The following BZW2 variants were observed in gnomAD, a reference collection of about 807,000 sequenced individuals.
The protein encoded by BZW2 is basic leucine zipper and W2 domains 2.
BZW2 carries 23 observed loss-of-function variants against 53.2 expected under a neutral mutation model. The observed-to-expected ratio is 0.43, with a 90% confidence interval of 0.31 to 0.61. The LOEUF (loss-of-function observed/expected upper bound fraction) is 0.61, where lower values mean the gene tolerates loss of function less well. Among genes scored for constraint, BZW2 ranks in the 20% least tolerant of loss-of-function variants. The pLI, the probability that BZW2 is intolerant of heterozygous loss-of-function variation, is 0.09. For synonymous variants in BZW2, 227 were observed against 186.4 expected (o/e 1.22, Z -1.77); for missense variants, 409 against 503.1 (o/e 0.81, Z 1.79).
chr7:16,689,351 A>C (rs1783230334), intron 6 of BZW2, among the ~76,000 whole-genome samples: 7 of 152,212 alleles, frequency 4.6e-5, no homozygotes, highest in Admixed American at 4.6e-4. Context: ...GTGTTCTTGT[A>C]CTGGCATCCT....
intron 3 of BZW2, among the ~76,000 whole-genome samples, chr7:16,677,617 G>T (rs1445188190): frequency 6.6e-6 from 1 of 152,146 alleles, no homozygotes; most frequent in African/African-American, 2.4e-5. Context: ...TCCATTTGAA[G>T]AACATTTTTA....
At chr7:16,652,764 A>G (rs1208438905) in intron 1 of BZW2, among the ~76,000 whole-genome samples, 1 of 152,166 alleles carries the variant, frequency 6.6e-6, no homozygotes, top group Non-Finnish European at 1.5e-5. Flanking sequence ...ACCTCAGGTG[A>G]TTCGCCCGCC....
chr7:16,652,929 T>C (rs1396146660), intron 1 of BZW2, among the ~76,000 whole-genome samples: 2 of 152,238 alleles, frequency 1.3e-5, no homozygotes. Context: ...TAAAGTTGTG[T>C]TGGGGAATCC....
chr7:16,688,918 CA>C (rs1390669802), intron 6 of BZW2, among the ~76,000 whole-genome samples: 1 of 152,058 alleles, frequency 6.6e-6, no homozygotes, highest in Non-Finnish European at 1.5e-5. Flanking sequence ...TAGCTTAACT[CA>C]AGAATATTTT....
chr7:16,667,071 T>A (rs185627209), intron 2 of BZW2, among the ~76,000 whole-genome samples: 137 of 151,408 alleles, frequency 9.0e-4, no homozygotes, highest in African/African-American at 3.0e-3. Context: ...TCACCTAAGG[T>A]TGGTAGTTTG....
chr7:16,665,628 A>G (rs1026850561), intron 2 of BZW2, 127 bp downstream of exon 2: 1 of 1,455,320 alleles, frequency 6.9e-7, no homozygotes, highest in African/African-American at 1.4e-5. Context: ...CTGAGTGTAG[A>G]ATCTGAAGTG....
chr7:16,664,372 G>C (rs1354982020), intron 1 of BZW2, among the ~76,000 whole-genome samples: 7 of 152,216 alleles, frequency 4.6e-5, no homozygotes, highest in Admixed American at 4.6e-4. Context: ...GGCCACTTTG[G>C]TGGAGATGGT....
rs754490673 is a variant in BZW2, at chr7:16,704,641, T to C, written c.1203T>C (p.Phe401=). ...KSVFLDQMKK[F]VEWLQNAEEE... Reference sequence around the variant, plus strand: ...TTTTTCTTGACCAGATGAAGAAATTTGTTGAGTGGTTACAAAATGCAGAAG... The same window carrying C: ...TTTTTCTTGACCAGATGAAGAAATTCGTTGAGTGGTTACAAAATGCAGAAG... Residue 401 remains phenylalanine (F), a synonymous_variant, in exon 11 of 12, where the codon TTT becomes TTC. Transcript: ENST00000258761. 2.5e-6 allele frequency: 4 copies of C among 1,590,668 alleles called. No individual in the cohort carries two copies. Among genetic ancestry groups the C allele is most frequent in the Non-Finnish European group, 3.4e-6 (4 of 1,162,278 alleles).
At chr7:16,682,050 C>T (rs569533950) in intron 4 of BZW2, among the ~76,000 whole-genome samples, 2 of 152,062 alleles carry the variant, frequency 1.3e-5, no homozygotes, top group Admixed American at 1.3e-4. Flanking sequence ...GTCATTCTTT[C>T]TCCATAAAGG....
intron 1 of BZW2, among the ~76,000 whole-genome samples, chr7:16,653,989 G>A (rs1426388981): frequency 1.4e-5 from 2 of 141,660 alleles, no homozygotes; most frequent in Non-Finnish European, 3.0e-5. Flanking sequence ...ACTCATGCCT[G>A]TAATCCCATC....
At chr7:16,691,150 G>T (rs1349986740) in intron 7 of BZW2, among the ~76,000 whole-genome samples, 1 of 152,190 alleles carries the variant, frequency 6.6e-6, no homozygotes, top group African/African-American at 2.4e-5. Context: ...GGTAAAAAAG[G>T]TACAGAAGTC....
At chr7:16,686,136 C>G (rs1783117725) in intron 6 of BZW2, 96 bp downstream of exon 6, 1 of 1,505,544 alleles carries the variant, frequency 6.6e-7, no homozygotes, top group East Asian at 2.4e-5. Context: ...TTGGTGTCCT[C>G]TATTACTCAT....
At chr7:16,692,495 G>T (rs1783341551) in intron 7 of BZW2, among the ~76,000 whole-genome samples, 1 of 152,124 alleles carries the variant, frequency 6.6e-6, no homozygotes, top group Non-Finnish European at 1.5e-5. Flanking sequence ...AGGTGTGGTA[G>T]CTCACACCTG....
intron 1 of BZW2, among the ~76,000 whole-genome samples, chr7:16,661,659 T>C (rs2128352830): frequency 6.6e-6 from 1 of 152,278 alleles, no homozygotes; most frequent in African/African-American, 2.4e-5. Context: ...AGTATTCTTA[T>C]CGCCTTCTTT....
intron 10 of BZW2, among the ~76,000 whole-genome samples, chr7:16,702,235 C>G (rs2128371351): frequency 6.6e-6 from 1 of 152,218 alleles, no homozygotes; most frequent in East Asian, 1.9e-4. Context: ...CCTTTTCAGA[C>G]CTTTCCTTTC....
chr7:16,704,202 A>G (rs886346228), intron 10 of BZW2, among the ~76,000 whole-genome samples: 1 of 152,206 alleles, frequency 6.6e-6, no homozygotes, highest in African/African-American at 2.4e-5. Context: ...AAAATGTTCT[A>G]AAATGCTGGA....
intron 10 of BZW2, among the ~76,000 whole-genome samples, chr7:16,700,426 A>G (rs1783631162): frequency 6.6e-6 from 1 of 152,104 alleles, no homozygotes. Context: ...TGTTTCTGTA[A>G]AGATTTGGAT....
chr7:16,672,088 G>T (rs921832136), intron 2 of BZW2, among the ~76,000 whole-genome samples: 1 of 152,062 alleles, frequency 6.6e-6, no homozygotes, highest in Non-Finnish European at 1.5e-5. Context: ...TATCACCCCG[G>T]AAACTTCAGA....
At chr7:16,673,070 C>T (rs529159753) in intron 2 of BZW2, among the ~76,000 whole-genome samples, 1 of 152,156 alleles carries the variant, frequency 6.6e-6, no homozygotes, top group Non-Finnish European at 1.5e-5. Context: ...TTCAGCCTCC[C>T]GAGTAGCTGG....
Sources: allele counts gnomAD v4.1 joint callset (sites outside exome capture counted in the v4.1 genomes callset), GRCh38; gene constraint gnomAD v4.1.1; transcripts MANE v1.5; gene names NCBI Gene and HGNC (gene_info 2026-07-23, HGNC 2026-07-21).